The following HGD variants were observed in gnomAD, a reference collection of about 807,000 sequenced individuals.
HGD encodes homogentisate oxidase.
HGD carries 61 observed loss-of-function variants against 60.8 expected under a neutral mutation model. The observed-to-expected ratio is 1.00, with a 90% CI of 0.82 to 1.24. The LOEUF is 1.24. Ranked by LOEUF, HGD falls within the 50% of genes most tolerant of loss-of-function variation. HGD has a pLI of 0.00. For synonymous variants in HGD, 212 were observed against 187.7 expected (o/e 1.13, Z -1.06); for missense variants, 542 against 547.1 (o/e 0.99, Z 0.09).
intron 12 of HGD, among the ~76,000 whole-genome samples, chr3:120,635,476 C>CAAAA (rs149923580): frequency 1.1e-4 from 7 of 64,408 alleles, no homozygotes; most frequent in Admixed American, 2.1e-4. Flanking sequence ...GATTCCGTCT[C>CAAAA]AAAAAAAAAA....
intron 4 of HGD, among the ~76,000 whole-genome samples, chr3:120,657,880 C>T (rs1248533898): frequency 6.6e-6 from 1 of 151,638 alleles, no homozygotes. Flanking sequence ...GTGGGAGGTG[C>T]CACACACTTT....
chr3:120,671,211 T>C (rs897854593), intron 3 of HGD, among the ~76,000 whole-genome samples: 2 of 152,198 alleles, frequency 1.3e-5, no homozygotes, highest in African/African-American at 4.8e-5. Context: ...TCAGATCATT[T>C]TAACTCTTTA....
chr3:120,663,708 T>C (rs1321780282), intron 4 of HGD, among the ~76,000 whole-genome samples: 1 of 152,098 alleles, frequency 6.6e-6, no homozygotes, highest in African/African-American at 2.4e-5. Context: ...GAGAAAAGGA[T>C]TATATTTAGC....
intron 11 of HGD, among the ~76,000 whole-genome samples, chr3:120,640,912 A>C (rs1940948631): frequency 6.6e-6 from 1 of 152,144 alleles, no homozygotes. Context: ...GGTTAGGTTC[A>C]TCTCTTATGA....
chr3:120,641,322 T>C (rs1207932101), intron 11 of HGD, among the ~76,000 whole-genome samples: 1 of 152,208 alleles, frequency 6.6e-6, no homozygotes, highest in Non-Finnish European at 1.5e-5. Flanking sequence ...ACTAAGTGTT[T>C]ATCCACTTAG....
chr3:120,643,572 G>A (rs1402108165), intron 10 of HGD, among the ~76,000 whole-genome samples: 1 of 152,194 alleles, frequency 6.6e-6, no homozygotes, highest in Non-Finnish European at 1.5e-5. Flanking sequence ...GGCCTCGGCT[G>A]GTTGGCATTA....
intron 12 of HGD, among the ~76,000 whole-genome samples, chr3:120,636,498 G>C (rs750666828): frequency 6.6e-6 from 1 of 152,136 alleles, no homozygotes; most frequent in Non-Finnish European, 1.5e-5. Flanking sequence ...AGAGTGAAAT[G>C]GTGAATTATT....
intron 6 of HGD, among the ~76,000 whole-genome samples, chr3:120,648,413 G>A (rs923024650): frequency 6.6e-6 from 1 of 152,224 alleles, no homozygotes; most frequent in South Asian, 2.1e-4. Context: ...TTGACCCAAA[G>A]AGAGGCCTCC....
At chr3:120,635,082 C>T (rs1940716968) in intron 12 of HGD, among the ~76,000 whole-genome samples, 2 of 152,158 alleles carry the variant, frequency 1.3e-5, no homozygotes, top group Non-Finnish European at 2.9e-5. Flanking sequence ...CAGCTTTGAT[C>T]TGAATATGAA....
chr3:120,645,575 A>G (rs1435919944), intron 9 of HGD, among the ~76,000 whole-genome samples: 1 of 152,102 alleles, frequency 6.6e-6, no homozygotes, highest in Admixed American at 6.6e-5. Flanking sequence ...GAATGTTTTA[A>G]TCTGCCTCCT....
At chr3:120,641,831 G>A in intron 10 of HGD, 138 bp from the exon 11 acceptor site, 2 of 709,792 alleles carry the variant, frequency 2.8e-6, no homozygotes, top group Non-Finnish European at 5.0e-6. Flanking sequence ...TCCTTTGGGA[G>A]AAGTATAACC....
chr3:120,670,944 C>T (rs1304442857), intron 3 of HGD, among the ~76,000 whole-genome samples: 13 of 152,258 alleles, frequency 8.5e-5, no homozygotes, highest in African/African-American at 2.6e-4. Flanking sequence ...ATGAGTTCTA[C>T]GCAGCTTGAG....
At position 120,670,385 on chromosome 3, in the gene HGD, C is replaced by G. The variant is rs1205414121; in HGVS notation, c.282+42G>C. The G allele has an allele frequency of 3.1e-6, 3 of 959,272 alleles. No individual in the cohort carries two copies. In the East Asian group the frequency reaches 7.1e-5, roughly 23 times the overall value. The allele number at this position is 959,272 out of a possible 1,614,324, so 59.4% of individuals were successfully genotyped here. A position where few individuals can be genotyped will look rare whatever the true frequency, so the allele number is the denominator to read the frequency against. The stretch of plus-strand genomic sequence containing the variant: ...TCTATTTAGGTATTTCTAGTCAAGG[C>G]TTTGGGTATATGATAAGCTTCAATT... On this transcript the variant is annotated intron_variant, in intron 4 of 13. Transcript: ENST00000283871.
chr3:120,669,845 G>C (rs1335356706), intron 4 of HGD, among the ~76,000 whole-genome samples: 1 of 152,072 alleles, frequency 6.6e-6, no homozygotes, highest in African/African-American at 2.4e-5. Context: ...ATTTGTCAAA[G>C]GTTTTTCTTT....
intron 9 of HGD, among the ~76,000 whole-genome samples, chr3:120,645,203 C>G (rs1941121997): frequency 6.6e-6 from 1 of 152,118 alleles, no homozygotes; most frequent in Non-Finnish European, 1.5e-5. Flanking sequence ...AACCTGGAGG[C>G]TATGCTGACT....
chr3:120,641,125 G>C (rs1413124712), intron 11 of HGD, among the ~76,000 whole-genome samples: 1 of 152,168 alleles, frequency 6.6e-6, no homozygotes, highest in Non-Finnish European at 1.5e-5. Flanking sequence ...GAAGTGGGCT[G>C]TTCACTCTGT....
intron 1 of HGD, chr3:120,678,059 C>A (rs896507553): frequency 6.6e-6 from 1 of 152,132 alleles, no homozygotes. Context: ...AAAAATTATT[C>A]TTTTTGCCTT....
chr3:120,679,538 C>T (rs984460692), intron 1 of HGD, among the ~76,000 whole-genome samples: 1 of 152,198 alleles, frequency 6.6e-6, no homozygotes, highest in Non-Finnish European at 1.5e-5. Flanking sequence ...TCTAGCCAAA[C>T]AGACTTTTGC....
At chr3:120,665,086 G>A (rs2059332) in intron 4 of HGD, among the ~76,000 whole-genome samples, 108,394 of 152,120 alleles carry the variant, frequency 0.71, 39,355 homozygotes, top group Middle Eastern at 0.81. Flanking sequence ...AGAGAGGCAG[G>A]AAAATCCAAG....
Sources: gnomAD v4.1 joint callset for allele counts (sites outside exome capture counted in the v4.1 genomes callset) on GRCh38, gnomAD v4.1.1 for gene constraint, MANE v1.5 for transcripts, NCBI Gene and HGNC (gene_info 2026-07-23, HGNC 2026-07-21) for gene names.